KHDC4: variants seen among roughly 807,000 people sequenced by gnomAD.
KHDC4 encodes the protein KH homology domain-containing protein 4.
In KHDC4, 19 loss-of-function variants were observed where a neutral mutation model predicts 74.5. The ratio of observed to expected loss-of-function variants is 0.26; its 90% CI spans 0.18 to 0.37. The LOEUF is 0.37. KHDC4 is among the 10% of genes least tolerant of loss of function. The pLI is 1.00. For missense variants in KHDC4, 632 were observed against 754.1 expected, an observed-to-expected ratio of 0.84 and a Z score of 1.90; for synonymous variants, 253 against 266.1, an observed-to-expected ratio of 0.95 and a Z score of 0.48.
chr1:155,926,945 T>C (rs1316027605), intron 5 of KHDC4, 106 bp from the exon 6 acceptor site: 2 of 1,375,344 alleles, frequency 1.5e-6, no homozygotes, highest in Non-Finnish European at 2.1e-6. Context: ...GTTACCCAAA[T>C]ATGTGGCTCT....
Position 155,914,231 on chromosome 1 carries a change from C to T in KHDC4, c.1735G>A (p.Gly579Arg). ...AAACTACTTGCATTTTTATGACCTC[C>T]ATGTTCCTCCTCTTCATCAGATGAA... ...ADSSDEEEEHGGHKNASSFPQ... is the reference protein window; with the variant it reads ...ADSSDEEEEHRGHKNASSFPQ... Residue 579 changes from glycine to arginine, a missense_variant, in exon 14 of 14, where the codon GGA (glycine) becomes AGA (arginine). By Grantham distance (125) the Gly-to-Arg change is moderately radical (BLOSUM62 -2). Around this residue, in one of 4 missense-constraint regions of KHDC4, gnomAD observed 41 missense variants for 66.0 expected, o/e 0.62. Coordinates refer to ENST00000368321, the MANE Select transcript of KHDC4 (RefSeq NM_014949.4). The T allele has an allele frequency of 6.2e-7, 1 of 1,614,044 alleles. No individual in the cohort carries two copies. The highest frequency in any genetic ancestry group is 8.5e-7 in the Non-Finnish European group (1 of 1,179,964).
At position 155,917,523 on chromosome 1, in the gene KHDC4, C is replaced by T; in HGVS notation, c.1416G>A (p.Arg472=). Residue 472 remains arginine (R), a synonymous_variant, in exon 11 of 14, where the codon CGG becomes CGA. Coordinates refer to ENST00000368321, the MANE Select transcript of KHDC4 (RefSeq NM_014949.4). ...CCTGGTATCCAAGCAGTCCAGATTC[C>T]CGTTCATCTGGTAGCTCCTCTGTGA... ...RRFTEELPDE[R]ESGLLGYQHG... The T allele has an allele frequency of 1.2e-6, 2 of 1,613,138 alleles. No individual in the cohort carries two copies. The highest frequency in any genetic ancestry group is 1.7e-6 in the Non-Finnish European group (2 of 1,179,660).
intron 10 of KHDC4, 158 bp downstream of exon 10, chr1:155,921,217 T>A: frequency 5.1e-6 from 4 of 778,590 alleles, no homozygotes; most frequent in Non-Finnish European, 8.3e-6. Context: ...TACACACTAA[T>A]CCAAAATATT....
intron 2 of KHDC4, chr1:155,932,755 C>T (rs1674167040): frequency 6.6e-6 from 1 of 151,882 alleles, no homozygotes. Flanking sequence ...ATGGTGAAAC[C>T]CTGTCTACTA....
chr1:155,921,889 ATT>A lies in KHDC4; in HGVS notation c.982_983del (p.Asn328SerfsTer3). 6.2e-7 allele frequency: 1 copy of A among 1,609,502 alleles called. No individual in the cohort carries two copies. Among genetic ancestry groups the A allele is most frequent in the Non-Finnish European group, 8.5e-7 (1 of 1,176,700 alleles). On this transcript the variant is annotated frameshift_variant, in exon 9 of 14. Transcript: ENST00000368321. LOFTEE classifies it high-confidence loss of function. ...GTAAAGGTACAGCAGTATTAATCTG[ATT>A]CACAAATCTAGAGTATTCAGCATGA... ...TVHAEYSRFV[N>X]QINTAVPLPG... is the part of the protein sequence containing the mutation.
chr1:155,916,487 A>T, intron 12 of KHDC4, 138 bp downstream of exon 12: 1 of 663,108 alleles, frequency 1.5e-6, no homozygotes, highest in Non-Finnish European at 2.6e-6. Flanking sequence ...TGCATCAATT[A>T]CAACAAACAG....
In KHDC4 at chr1:155,915,006, A is replaced by G. The variant is rs555301105; in HGVS notation, c.1646-686T>C. On this transcript the variant is annotated intron_variant, in intron 13 of 13. Coordinates refer to ENST00000368321, the MANE Select transcript of KHDC4 (RefSeq NM_014949.4). ...TCTAGATACACGTTGGTTGGAAACAAAAGGTTGTCTGTATACAATTTTTTT... is the reference window on the plus strand; with the variant it reads ...TCTAGATACACGTTGGTTGGAAACAGAAGGTTGTCTGTATACAATTTTTTT... 7.2e-5 allele frequency: 11 copies of G among 152,360 alleles called. No individual in the cohort carries two copies. The South Asian group carries it at 1.9e-3, about 26-fold the overall frequency. 9.4% of individuals were successfully genotyped at this position (152,360 alleles called of 1,614,324 possible). A position where few individuals can be genotyped will look rare whatever the true frequency, so the allele number is the denominator to read the frequency against.
rs997518806 is a variant in KHDC4, at chr1:155,913,597, C to G, written c.*524G>C. 2.6e-5 allele frequency: 4 copies of G among 153,016 alleles called. No homozygotes were observed. The highest frequency in any genetic ancestry group is 9.7e-5 in the African/African-American group (4 of 41,442). 9.5% of individuals were successfully genotyped at this position (153,016 alleles called of 1,614,324 possible). A position where few individuals can be genotyped will look rare whatever the true frequency, so the allele number is the denominator to read the frequency against. The stretch of plus-strand genomic sequence containing the variant: ...TATCCAACAGTTTTAAATGAGACAG[C>G]ATTTTCCAAAACAGAAATAATCCAA... On this transcript the variant is annotated 3_prime_UTR_variant, in exon 14 of 14. Transcript: ENST00000368321.
intron 4 of KHDC4, among the ~76,000 whole-genome samples, chr1:155,928,769 G>A (rs1049186929): frequency 2.1e-4 from 32 of 151,572 alleles, no homozygotes; most frequent in African/African-American, 7.0e-4. Context: ...TGGCTAACAC[G>A]GTGAAGCTCT....
intron 4 of KHDC4, among the ~76,000 whole-genome samples, chr1:155,928,667 A>ACAAT (rs1275372300): frequency 6.6e-6 from 1 of 151,280 alleles, no homozygotes; most frequent in Non-Finnish European, 1.5e-5. Context: ...AGAAGTATAT[A>ACAAT]CAATGCCGGG....
Position 155,914,103 on chromosome 1 carries a change from ACT to A in KHDC4, c.*16_*17del. The A allele has an allele frequency of 6.2e-7, 1 of 1,605,740 alleles. No individual in the cohort carries two copies. Among genetic ancestry groups the A allele is most frequent in the Non-Finnish European group, 8.5e-7 (1 of 1,172,480 alleles). On this transcript the variant is annotated 3_prime_UTR_variant, in exon 14 of 14. Transcript: ENST00000368321. ...CTAAGAAGAGTCACTGAGGGTCAAA[ACT>A]CTGTTCCACTGTTTCCTAGGGAGCC...
intron 8 of KHDC4, among the ~76,000 whole-genome samples, chr1:155,923,413 C>T (rs1305247652): frequency 6.6e-6 from 1 of 152,162 alleles, no homozygotes; most frequent in Non-Finnish European, 1.5e-5. Context: ...ATTTCTCTCT[C>T]AAAGACTCCA....
At chr1:155,915,530 T>C in intron 13 of KHDC4, 1 of 299,006 alleles carries the variant, frequency 3.3e-6, no homozygotes, top group Non-Finnish European at 6.0e-6. Flanking sequence ...ATTTATGAGA[T>C]GGAGTCTTGC....
intron 2 of KHDC4, among the ~76,000 whole-genome samples, chr1:155,931,069 C>T (rs923608347): frequency 1.3e-5 from 2 of 151,850 alleles, no homozygotes; most frequent in Non-Finnish European, 2.9e-5. Flanking sequence ...CATCTGTAAT[C>T]CTAGCACTTT....
At chr1:155,919,055 A>C (rs1431873847) in intron 10 of KHDC4, among the ~76,000 whole-genome samples, 2 of 139,884 alleles carry the variant, frequency 1.4e-5, no homozygotes, top group Non-Finnish European at 3.0e-5. Context: ...GCAACCTCTG[A>C]CTCCTGGGTT....
rs774859848 is a variant in KHDC4 at position 155,934,354 on chromosome 1, G to C, written c.20C>G (p.Thr7Arg). 2.5e-6 allele frequency: 4 copies of C among 1,611,136 alleles called. No homozygotes were observed. The South Asian group carries it at 4.4e-5, about 18-fold the overall frequency. The change falls in exon 1 of 14, where the codon ACA becomes AGA. Residue 7 changes from threonine (T) to arginine (R), a missense_variant. Physicochemically the swap from Thr to Arg is moderately conservative, Grantham distance 71. Coordinates refer to ENST00000368321, the MANE Select transcript of KHDC4 (RefSeq NM_014949.4). The stretch of plus-strand genomic sequence containing the variant: ...GCCGTACCCGCCAGCTCCAGGATGT[G>C]TCGCGCTCCCCGCGGACATGGCGAC... MSAGSATHPGAGGRRSK... is the reference protein window; with the variant it reads MSAGSARHPGAGGRRSK...
At chr1:155,921,760 G>A (rs1673868651) in intron 9 of KHDC4, 101 bp downstream of exon 9, 2 of 1,404,400 alleles carry the variant, frequency 1.4e-6, no homozygotes, top group Non-Finnish European at 2.0e-6. Flanking sequence ...TAAATTAAAG[G>A]GAACATTAAT....
intron 9 of KHDC4, 32 bp from the exon 10 acceptor site, chr1:155,921,660 C>A: frequency 6.3e-7 from 1 of 1,597,660 alleles, no homozygotes; most frequent in Middle Eastern, 1.7e-4. Flanking sequence ...GTTTAATCAG[C>A]TGCAGCAGAA....
rs1673946870 is a variant in KHDC4 at position 155,924,757 on chromosome 1, A to C, written c.893+875T>G. Among the ~76,000 whole-genome samples the C allele has an allele frequency of 2.7e-5, 4 of 150,244 alleles. No homozygotes were observed. In the South Asian group the frequency reaches 8.4e-4, roughly 32 times the overall value. On this transcript the variant is annotated intron_variant, in intron 7 of 13. Coordinates refer to ENST00000368321, the MANE Select transcript of KHDC4 (RefSeq NM_014949.4). The stretch of plus-strand genomic sequence containing the variant: ...CCTGGCTAATTTTTATACTTTTAGG[A>C]GAGTCAGGGTTTCACCATGTTGGCC...
Sources: gnomAD v4.1 joint callset for allele counts (sites outside exome capture counted in the v4.1 genomes callset) on GRCh38, gnomAD v4.1.1 for gene constraint, gnomAD v4.1.1 regional missense constraint, MANE v1.5 for transcripts, NCBI Gene and HGNC (gene_info 2026-07-23, HGNC 2026-07-21) for gene names.